FSD1L: variants seen among roughly 807,000 people sequenced by gnomAD.
FSD1L encodes fibronectin type III and SPRY domain containing 1 like.
In FSD1L, 45 loss-of-function variants were observed where a neutral mutation model predicts 71.6. The ratio of observed to expected loss-of-function variants is 0.63; its 90% CI spans 0.49 to 0.81. The LOEUF (loss-of-function observed/expected upper bound fraction) is 0.81, where lower values mean the gene tolerates loss of function less well. Among genes scored for constraint, FSD1L ranks in the 30% least tolerant of loss-of-function variants. The probability of loss-of-function intolerance (pLI) is 0.00; values close to 1 mark genes in which losing one functional copy is unlikely to be tolerated. For synonymous variants in FSD1L, 197 were observed against 207.2 expected (o/e 0.95, Z 0.42); for missense variants, 561 against 618.1 (o/e 0.91, Z 0.98).
chr9:105,507,079 A>G (rs1168783917), intron 8 of FSD1L, among the ~76,000 whole-genome samples: 7 of 152,232 alleles, frequency 4.6e-5, no homozygotes, highest in Non-Finnish European at 1.0e-4. Context: ...TGAAAATAGT[A>G]TTTCAGAATA....
chr9:105,533,716 CA>C (rs1836071688), intron 10 of FSD1L, among the ~76,000 whole-genome samples: 1 of 67,774 alleles, frequency 1.5e-5, no homozygotes, highest in African/African-American at 1.2e-4. Flanking sequence ...CCACCGCGTG[CA>C]GCCCCCCCGT....
At chr9:105,520,498 G>A (rs1835076436) in intron 10 of FSD1L, 1 of 1,065,022 alleles carries the variant, frequency 9.4e-7, no homozygotes, top group African/African-American at 1.5e-5. Context: ...AGAGGAACTG[G>A]ATGCTATACT....
chr9:105,525,830 A>G (rs1353038165), intron 10 of FSD1L: 2 of 1,605,582 alleles, frequency 1.2e-6, no homozygotes, highest in Non-Finnish European at 1.7e-6. Flanking sequence ...CTACAAAAAA[A>G]CAAAAGCACT....
At position 105,465,350 on chromosome 9, in the gene FSD1L, T is replaced by C. The variant is rs56110868; in HGVS notation, c.207+1019T>C. Among the ~76,000 whole-genome samples the C allele has an allele frequency of 7.2e-3, 1,090 of 152,344 alleles. 7 individuals carry two copies. Among genetic ancestry groups the C allele is most frequent in the Non-Finnish European group, 0.013 (859 of 68,034 alleles). The stretch of plus-strand genomic sequence containing the variant: ...TATTTAAAGAACTAATATCAGTTAT[T>C]CTCAGCCTCTTCCAAAAAAATCAAA... On this transcript the variant is annotated intron_variant, in intron 3 of 13. Coordinates refer to ENST00000481272, the MANE Select transcript of FSD1L (RefSeq NM_001145313.3).
chr9:105,527,869 A>G (rs1421087973), intron 10 of FSD1L, among the ~76,000 whole-genome samples: 1 of 152,194 alleles, frequency 6.6e-6, no homozygotes, highest in Non-Finnish European at 1.5e-5. Context: ...CTGTTTGCAG[A>G]TGACATGATT....
At chr9:105,465,942 G>T (rs1406293529) in intron 3 of FSD1L, among the ~76,000 whole-genome samples, 1 of 151,574 alleles carries the variant, frequency 6.6e-6, no homozygotes, top group Non-Finnish European at 1.5e-5. Context: ...CGCAGTCTCA[G>T]CTCACTGAAA....
At chr9:105,495,356 G>A (rs973975809) in intron 7 of FSD1L, among the ~76,000 whole-genome samples, 3 of 152,212 alleles carry the variant, frequency 2.0e-5, no homozygotes, top group African/African-American at 7.2e-5. Context: ...CGTCGGAAAA[G>A]TGCAGTATTG....
intron 7 of FSD1L, among the ~76,000 whole-genome samples, chr9:105,492,439 C>G (rs563231944): frequency 1.8e-4 from 27 of 152,130 alleles, no homozygotes; most frequent in Admixed American, 1.1e-3. Context: ...TTCATCCTTT[C>G]AAAAAACCAG....
intron 6 of FSD1L, 95 bp downstream of exon 6, chr9:105,479,471 A>C: frequency 9.3e-7 from 1 of 1,072,484 alleles, no homozygotes; most frequent in Non-Finnish European, 1.4e-6. Flanking sequence ...GTTAGTTAAG[A>C]TAAAAGTACC....
At chr9:105,502,949 A>G (rs1589030343) in intron 7 of FSD1L, among the ~76,000 whole-genome samples, 2 of 151,214 alleles carry the variant, frequency 1.3e-5, no homozygotes, top group South Asian at 2.1e-4. Flanking sequence ...CAGTGGCACA[A>G]CCACTGCAGC....
chr9:105,543,654 G>C (rs745425093), intron 13 of FSD1L, among the ~76,000 whole-genome samples: 2 of 151,846 alleles, frequency 1.3e-5, no homozygotes, highest in African/African-American at 2.4e-5. Flanking sequence ...TCATTGTTCA[G>C]TTCCCACCTA....
At chr9:105,543,145 A>G (rs984334972) in intron 13 of FSD1L, among the ~76,000 whole-genome samples, 1 of 152,174 alleles carries the variant, frequency 6.6e-6, no homozygotes, top group Non-Finnish European at 1.5e-5. Flanking sequence ...TGTTAATTAT[A>G]TAATTACAAA....
At chr9:105,510,559 G>C (rs1377558634) in intron 9 of FSD1L, among the ~76,000 whole-genome samples, 2 of 152,190 alleles carry the variant, frequency 1.3e-5, no homozygotes, top group African/African-American at 4.8e-5. Context: ...AGATTGAGTA[G>C]TTGAGCCTAC....
At position 105,461,624 on chromosome 9, in the gene FSD1L, CTCT is replaced by C; in HGVS notation, c.111+11_111+13del. 6.6e-7 allele frequency: 1 copy of C among 1,510,274 alleles called. No homozygotes were observed. The highest frequency in any genetic ancestry group is 9.0e-7 in the Non-Finnish European group (1 of 1,109,412). 93.6% of individuals were successfully genotyped at this position (1,510,274 alleles called of 1,614,324 possible). On this transcript the variant is annotated intron_variant, in intron 2 of 13. Transcript: ENST00000481272. The stretch of plus-strand genomic sequence containing the variant: ...CTATTAACTTGCAGCAGGTTGGTAG[CTCT>C]TAAAGGAGCAGAGGTTTTAACTTGA...
At chr9:105,546,245 T>G in intron 13 of FSD1L, 113 bp from the exon 14 acceptor site, 16 of 919,524 alleles carry the variant, frequency 1.7e-5, no homozygotes, top group Non-Finnish European at 2.2e-5. Context: ...TTAATGTGTT[T>G]GAGAATGATT....
chr9:105,522,815 T>C (rs1004194056), intron 10 of FSD1L: 259 of 1,613,324 alleles, frequency 1.6e-4, no homozygotes, highest in Non-Finnish European at 2.1e-4. Flanking sequence ...ATGCCTCGAC[T>C]ATGACAAGAA....
At chr9:105,481,138 ACT>A (rs1832147403) in intron 6 of FSD1L, among the ~76,000 whole-genome samples, 1 of 72,202 alleles carries the variant, frequency 1.4e-5, no homozygotes. Context: ...GTTCAGGCAA[ACT>A]CTGTGTGTGT....
intron 3 of FSD1L, among the ~76,000 whole-genome samples, chr9:105,464,808 CAA>C (rs920899931): frequency 2.9e-5 from 4 of 139,100 alleles, no homozygotes; most frequent in Admixed American, 7.2e-5. Context: ...CCGTCTCTAC[CAA>C]AAAAAAAAAA....
At chr9:105,508,174 C>CTTTT (rs11320443) in intron 8 of FSD1L, among the ~76,000 whole-genome samples, 5 of 100,476 alleles carry the variant, frequency 5.0e-5, no homozygotes, top group Non-Finnish European at 5.8e-5. Flanking sequence ...ACATATCACT[C>CTTTT]TTTTTTTTTT....
Sources: allele counts gnomAD v4.1 joint callset (sites outside exome capture counted in the v4.1 genomes callset), GRCh38; gene constraint gnomAD v4.1.1; transcripts MANE v1.5; gene names NCBI Gene and HGNC (gene_info 2026-07-23, HGNC 2026-07-21).